The following EGF variants were observed in gnomAD, a reference collection of about 807,000 sequenced individuals.
The protein encoded by EGF is epidermal growth factor.
EGF carries 95 observed loss-of-function variants against 143.8 expected under a neutral mutation model. The ratio of observed to expected loss-of-function variants is 0.66; its 90% CI spans 0.56 to 0.78. The LOEUF (loss-of-function observed/expected upper bound fraction) is 0.78. Ranked by LOEUF, EGF falls within the 30% of genes least tolerant of loss-of-function variation. The pLI is 0.00. For missense variants in EGF, 1,320 were observed against 1,470.9 expected (o/e 0.90, Z 1.68); for synonymous variants, 510 against 510.5 (o/e 1.00, Z 0.01).
chr4:110,009,638 A>G (rs2282787), intron 23 of EGF, among the ~76,000 whole-genome samples: 42,505 of 151,978 alleles, frequency 0.28, 10,794 homozygotes, highest in African/African-American at 0.64. Context: ...TCATATAACT[A>G]TCTCCCAGCA....
At chr4:109,918,089 G>A (rs566176835) in intron 1 of EGF, among the ~76,000 whole-genome samples, 2 of 152,084 alleles carry the variant, frequency 1.3e-5, no homozygotes, top group African/African-American at 4.8e-5. Context: ...AACAAATAAC[G>A]TATCTAATAT....
chr4:109,946,735 T>A (rs1040248883), intron 5 of EGF, among the ~76,000 whole-genome samples: 18 of 152,214 alleles, frequency 1.2e-4, no homozygotes, highest in African/African-American at 4.1e-4. Context: ...TAATTTTAGA[T>A]GGTAAATGTT....
At chr4:110,008,376 T>C in intron 23 of EGF, 146 bp downstream of exon 23, 1 of 1,018,842 alleles carries the variant, frequency 9.8e-7, no homozygotes, top group Admixed American at 2.0e-5. Flanking sequence ...TGGGCTGTAT[T>C]GAAATGCCAT....
intron 1 of EGF, among the ~76,000 whole-genome samples, chr4:109,927,806 C>T (rs1450242843): frequency 7.3e-5 from 10 of 136,316 alleles, no homozygotes; most frequent in Non-Finnish European, 1.5e-4. Context: ...TGAATTTTGC[C>T]GTGTGTGTGT....
At chr4:110,001,828 C>G in intron 21 of EGF, 1 of 985,332 alleles carries the variant, frequency 1.0e-6, no homozygotes, top group Non-Finnish European at 1.2e-6. Context: ...TCATCAGAAC[C>G]CTTTCTTTTT....
At chr4:109,946,665 C>T (rs1742915938) in intron 5 of EGF, among the ~76,000 whole-genome samples, 1 of 152,002 alleles carries the variant, frequency 6.6e-6, no homozygotes, top group Admixed American at 6.6e-5. Context: ...AGGTAGAAAC[C>T]ATGTCTATTT....
intron 4 of EGF, among the ~76,000 whole-genome samples, chr4:109,944,547 T>C (rs951026117): frequency 3.3e-5 from 5 of 152,362 alleles, no homozygotes; most frequent in Non-Finnish European, 5.9e-5. Flanking sequence ...GTGAGGATAA[T>C]CATAATATCA....
At chr4:109,928,801 ATGC>A (rs971427224) in intron 1 of EGF, among the ~76,000 whole-genome samples, 14 of 152,128 alleles carry the variant, frequency 9.2e-5, no homozygotes, top group African/African-American at 3.1e-4. Context: ...TTTAATGTTA[ATGC>A]TGGTCAGCTG....
chr4:110,004,666 T>G (rs373961869), intron 22 of EGF, 44 bp downstream of exon 22: 2 of 1,533,276 alleles, frequency 1.3e-6, no homozygotes, highest in Non-Finnish European at 1.8e-6. Context: ...GGCTTGATAT[T>G]AACCCCTATT....
intron 6 of EGF, 122 bp from the exon 7 acceptor site, chr4:109,960,745 C>T (rs547120765): frequency 1.8e-6 from 2 of 1,135,262 alleles, no homozygotes; most frequent in African/African-American, 3.1e-5. Flanking sequence ...AACAGACTTT[C>T]CATGATCAAT....
At chr4:109,948,311 CATT>C (rs1579568249) in intron 5 of EGF, among the ~76,000 whole-genome samples, 1 of 152,170 alleles carries the variant, frequency 6.6e-6, no homozygotes. Flanking sequence ...CTACTTTGCC[CATT>C]ATTGATTAGG....
chr4:109,948,797 T>C (rs1390534284), intron 5 of EGF, among the ~76,000 whole-genome samples: 1 of 152,022 alleles, frequency 6.6e-6, no homozygotes, highest in Non-Finnish European at 1.5e-5. Flanking sequence ...ATCCTTCAGA[T>C]GTAAAGACAT....
intron 5 of EGF, among the ~76,000 whole-genome samples, chr4:109,949,836 C>T (rs895818434): frequency 6.6e-6 from 1 of 152,216 alleles, no homozygotes; most frequent in African/African-American, 2.4e-5. Flanking sequence ...CAGAGCTTCA[C>T]ATGGAAGATT....
chr4:110,001,156 T>C (rs1485479089), intron 21 of EGF, among the ~76,000 whole-genome samples: 1 of 152,254 alleles, frequency 6.6e-6, no homozygotes, highest in Non-Finnish European at 1.5e-5. Flanking sequence ...TCCTAACCTC[T>C]GTATTCATTA....
chr4:109,953,312 C>T (rs1375936562), intron 5 of EGF, among the ~76,000 whole-genome samples: 2 of 152,168 alleles, frequency 1.3e-5, no homozygotes, highest in African/African-American at 4.8e-5. Context: ...GTTTTAGAAG[C>T]TATTGATTAT....
intron 21 of EGF, among the ~76,000 whole-genome samples, chr4:110,000,229 C>T (rs188453004): frequency 7.6e-6 from 1 of 131,418 alleles, no homozygotes; most frequent in African/African-American, 3.0e-5. Context: ...CCAGCATGGG[C>T]GATAGAGCGA....
chr4:110,012,031 T>C lies in EGF; in HGVS notation c.*576T>C, dbSNP rs1754039929. On this transcript the variant is annotated 3_prime_UTR_variant, in exon 24 of 24. Coordinates refer to ENST00000265171, the MANE Select transcript of EGF (RefSeq NM_001963.6). Reference sequence around the variant, plus strand: ...GATTTCTTCAGAATTAGATGGCTTATTTTTTAAAATATTTGAATGAAAACA... The same window carrying C: ...GATTTCTTCAGAATTAGATGGCTTACTTTTTAAAATATTTGAATGAAAACA... The C allele has an allele frequency of 6.5e-6, 1 of 152,848 alleles. No homozygotes were observed. The highest frequency in any genetic ancestry group is 2.1e-4 in the South Asian group (1 of 4,854). The allele number at this position is 152,848 out of a possible 1,614,324, so 9.5% of individuals were successfully genotyped here.
At chr4:109,918,676 C>A (rs77247553) in intron 1 of EGF, among the ~76,000 whole-genome samples, 1 of 152,226 alleles carries the variant, frequency 6.6e-6, no homozygotes, top group East Asian at 1.9e-4. Context: ...CCAGCCACCA[C>A]CCTGTCTCAC....
intron 10 of EGF, among the ~76,000 whole-genome samples, chr4:109,965,659 T>C (rs1259695045): frequency 6.6e-6 from 1 of 152,124 alleles, no homozygotes; most frequent in African/African-American, 2.4e-5. Flanking sequence ...GGGTTAATTT[T>C]CTTATTTTCT....
Sources: gnomAD v4.1 joint callset for allele counts (sites outside exome capture counted in the v4.1 genomes callset) on GRCh38, gnomAD v4.1.1 for gene constraint, MANE v1.5 for transcripts, NCBI Gene and HGNC (gene_info 2026-07-23, HGNC 2026-07-21) for gene names.